Variants in DRC11 observed in about 807,000 individuals in gnomAD.
DRC11 encodes the protein dynein regulatory complex subunit 11, also known as IQ and AAA domain-containing protein 1.
chr2:236,414,585 C>G, the DRC11 span, among the ~76,000 whole-genome samples: 11 of 152,202 alleles, frequency 7.2e-5, no homozygotes, highest in African/African-American at 1.9e-4. Flanking sequence ...CCAAGCCTCC[C>G]AAAGTGCTGG....
At chr2:236,450,847 G>C in the DRC11 span, among the ~76,000 whole-genome samples, 1 of 152,086 alleles carries the variant, frequency 6.6e-6, no homozygotes, top group South Asian at 2.1e-4. Context: ...TGACTATCCA[G>C]TGCCATTTGT....
chr2:236,318,627 A>G, the DRC11 span, among the ~76,000 whole-genome samples: 1 of 142,784 alleles, frequency 7.0e-6, no homozygotes, highest in Non-Finnish European at 1.5e-5. The surrounding 1 kb of genome is among the most constrained non-coding windows in gnomAD (Gnocchi z 7.0). Flanking sequence ...TGGTGTGCAT[A>G]TATCGTTTGT....
chr2:236,375,324 C>T, the DRC11 span, among the ~76,000 whole-genome samples: 198 of 152,190 alleles, frequency 1.3e-3, no homozygotes, highest in Non-Finnish European at 1.8e-3. The surrounding 1 kb of genome is among the most constrained non-coding windows in gnomAD (Gnocchi z 4.2). Context: ...GAAGTCAGTC[C>T]GCACATAGGT....
chr2:236,464,803 T>C, the DRC11 span, among the ~76,000 whole-genome samples: 22 of 152,076 alleles, frequency 1.4e-4, no homozygotes, highest in South Asian at 2.9e-3. Flanking sequence ...AAGATCTGGT[T>C]GTTTAAAAGT....
chr2:236,310,579 G>A, the DRC11 span, among the ~76,000 whole-genome samples: 1 of 152,220 alleles, frequency 6.6e-6, no homozygotes, highest in African/African-American at 2.4e-5. The surrounding 1 kb of genome is among the most constrained non-coding windows in gnomAD (Gnocchi z 5.5). Flanking sequence ...CCAACTTGGG[G>A]TTGAGTGTTC....
At chr2:236,352,519 G>A in the DRC11 span, among the ~76,000 whole-genome samples, 627 of 152,244 alleles carry the variant, frequency 4.1e-3, 4 homozygotes, top group African/African-American at 0.014. This position sits in a 1 kb window ranked among gnomAD's most constrained non-coding sequence, Gnocchi z 7.0. Flanking sequence ...AGAAATGTTG[G>A]CAGGCGCATC....
At chr2:236,399,904 G>A in the DRC11 span, among the ~76,000 whole-genome samples, 1 of 151,778 alleles carries the variant, frequency 6.6e-6, no homozygotes, top group African/African-American at 2.4e-5. This position sits in a 1 kb window ranked among gnomAD's most constrained non-coding sequence, Gnocchi z 7.0. Flanking sequence ...TTCTGTAGAG[G>A]TGGGGTTTTG....
chr2:236,391,077 C>T, the DRC11 span: 33 of 152,258 alleles, frequency 2.2e-4, no homozygotes, highest in East Asian at 6.4e-3. This position sits in a 1 kb window ranked among gnomAD's most constrained non-coding sequence, Gnocchi z 4.5. Flanking sequence ...TCACCTGAAT[C>T]CCAGAGCTCT....
At chr2:236,329,530 G>A in the DRC11 span, among the ~76,000 whole-genome samples, 1 of 152,202 alleles carries the variant, frequency 6.6e-6, no homozygotes, top group African/African-American at 2.4e-5. Flanking sequence ...GAATCTGCAA[G>A]GTCTTCATCT....
the DRC11 span, among the ~76,000 whole-genome samples, chr2:236,498,300 C>CAAA: frequency 2.9e-4 from 37 of 129,474 alleles, no homozygotes; most frequent in African/African-American, 9.0e-4. Flanking sequence ...TACTAAAATA[C>CAAA]AAAAAAAAAA....
the DRC11 span, among the ~76,000 whole-genome samples, chr2:236,378,028 T>TA: frequency 1.3e-5 from 2 of 152,238 alleles, no homozygotes; most frequent in African/African-American, 4.8e-5. Context: ...CAACTTTATT[T>TA]AGACAGTTCT....
chr2:236,457,749 C>T, the DRC11 span, among the ~76,000 whole-genome samples: 9 of 152,066 alleles, frequency 5.9e-5, no homozygotes, highest in Non-Finnish European at 1.0e-4. This position sits in a 1 kb window ranked among gnomAD's most constrained non-coding sequence, Gnocchi z 4.7. Context: ...GAGAACAGAG[C>T]GATGTGGCCA....
chr2:236,505,819 A>G, the DRC11 span, among the ~76,000 whole-genome samples: 10 of 151,810 alleles, frequency 6.6e-5, no homozygotes, highest in Admixed American at 1.3e-4. Flanking sequence ...TCCTCCTCCT[A>G]TATCATTCTG....
chr2:236,477,034 T>C, the DRC11 span, among the ~76,000 whole-genome samples: 2 of 152,200 alleles, frequency 1.3e-5, no homozygotes, highest in African/African-American at 4.8e-5. Flanking sequence ...GATTTCTCCA[T>C]CTATGTTCAC....
At chr2:236,399,020 C>T in the DRC11 span, among the ~76,000 whole-genome samples, 5 of 150,966 alleles carry the variant, frequency 3.3e-5, no homozygotes, top group South Asian at 2.1e-4. This position sits in a 1 kb window ranked among gnomAD's most constrained non-coding sequence, Gnocchi z 7.0. Context: ...GGCAGAGTCT[C>T]GCTCTGTCAT....
the DRC11 span, among the ~76,000 whole-genome samples, chr2:236,335,923 T>G: frequency 6.6e-6 from 1 of 152,004 alleles, no homozygotes; most frequent in African/African-American, 2.4e-5. This position sits in a 1 kb window ranked among gnomAD's most constrained non-coding sequence, Gnocchi z 5.6. Flanking sequence ...GCCCCCTTCA[T>G]CCATGTTTCT....
the DRC11 span, among the ~76,000 whole-genome samples, chr2:236,401,379 T>TC: frequency 6.6e-6 from 1 of 152,132 alleles, no homozygotes; most frequent in Non-Finnish European, 1.5e-5. This position sits in a 1 kb window ranked among gnomAD's most constrained non-coding sequence, Gnocchi z 4.6. Flanking sequence ...TCCTGCCCTT[T>TC]TGACAGGATT....
the DRC11 span, chr2:236,380,691 G>A: frequency 1.5e-6 from 2 of 1,333,698 alleles, no homozygotes; most frequent in African/African-American, 1.4e-5. This position sits in a 1 kb window ranked among gnomAD's most constrained non-coding sequence, Gnocchi z 4.9. Context: ...AAGCAAATAA[G>A]TCCTAGAAAT....
At chr2:236,361,533 G>A in the DRC11 span, among the ~76,000 whole-genome samples, 8 of 152,036 alleles carry the variant, frequency 5.3e-5, no homozygotes, top group Non-Finnish European at 1.2e-4. The surrounding 1 kb of genome is among the most constrained non-coding windows in gnomAD (Gnocchi z 5.7). Context: ...GAAAATGAAG[G>A]ACAGAGATAA....
Sources: gnomAD v4.1 joint callset for allele counts (sites outside exome capture counted in the v4.1 genomes callset) on GRCh38, gnomAD v4.1.1 for gene constraint, Gnocchi (gnomAD v3.1) non-coding constraint, MANE v1.5 for transcripts, NCBI Gene and HGNC (gene_info 2026-07-23, HGNC 2026-07-21) for gene names.